Variants in SCYL1 observed in about 807,000 individuals in gnomAD.
The protein encoded by SCYL1 is N-terminal kinase-like protein.
A neutral mutation model predicts 94.8 loss-of-function variants in SCYL1; 85 were observed. The ratio of observed to expected loss-of-function variants is 0.90; its 90% CI spans 0.75 to 1.07. The LOEUF is 1.07. SCYL1 is among the 50% of genes least tolerant of loss of function. The pLI is 0.00. For synonymous variants in SCYL1, 459 were observed against 435.5 expected (o/e 1.05, Z -0.67); for missense variants, 968 against 1,083.3 (o/e 0.89, Z 1.49).
At chr11:65,529,945 G>T (rs1855284534) in intron 6 of SCYL1, among the ~76,000 whole-genome samples, 1 of 152,176 alleles carries the variant, frequency 6.6e-6, no homozygotes. Context: ...AAGTTGTGAA[G>T]AGGACTGAGA....
At position 65,538,695 on chromosome 11, in the gene SCYL1, C is replaced by CTATT; in HGVS notation, c.*131_*134dup. The CTATT allele has an allele frequency of 8.3e-7, 1 of 1,208,862 alleles. No individual in the cohort carries two copies. Among genetic ancestry groups the CTATT allele is most frequent in the Non-Finnish European group, 1.1e-6 (1 of 887,100 alleles). 74.9% of individuals were successfully genotyped at this position (1,208,862 alleles called of 1,614,324 possible). ...TACATAATCAGAGCCACAATAAATT[C>CTATT]TATTTCACACCCCTTGTGCCGGGCT... On this transcript the variant is annotated 3_prime_UTR_variant, in exon 18 of 18. Coordinates refer to ENST00000270176, the MANE Select transcript of SCYL1 (RefSeq NM_020680.4).
chr11:65,535,147 G>A (rs1590738566), intron 9 of SCYL1, 80 bp from the exon 10 acceptor site: 1 of 1,561,380 alleles, frequency 6.4e-7, no homozygotes, highest in South Asian at 1.2e-5. Context: ...GCTCTGGGAT[G>A]AGGGCTGCCA....
At position 65,538,469 on chromosome 11, in the gene SCYL1, A is replaced by G. The variant is rs556081911; in HGVS notation, c.2330A>G (p.Lys777Arg). ...CAGGTCAAGGCTGAGCTGGCCCGGA[A>G]GAAGCGCGAGGAGCGGCGGCGGGAG... Reference protein sequence around the residue: ...SRQVKAELARKKREERRREME... With the variant: ...SRQVKAELARRKREERRREME... Residue 777 changes from lysine (K) to arginine (R), a missense_variant, in exon 18 of 18, where the codon AAG (lysine) becomes AGG (arginine). Lys to Arg is a conservative substitution (Grantham distance 26, BLOSUM62 2). Coordinates refer to ENST00000270176, the MANE Select transcript of SCYL1 (RefSeq NM_020680.4). 1 of 1,578,818 alleles carries G rather than the reference A, an allele frequency of 6.3e-7. No individual in the cohort carries two copies. The highest frequency in any genetic ancestry group is 1.3e-5 in the African/African-American group (1 of 74,154).
In SCYL1 at chr11:65,536,710, C is replaced by T. The variant is rs1346419166; in HGVS notation, c.1776C>T (p.Ala592=). 1.2e-6 allele frequency: 2 copies of T among 1,610,064 alleles called. No individual in the cohort carries two copies. The highest frequency in any genetic ancestry group is 1.1e-5 in the South Asian group (1 of 90,998). Reference sequence around the variant, plus strand: ...TGATCCGTTCGCACCCAACCACTGCCCCAACAGAAACCAACATTCCCCAAA... The same window carrying T: ...TGATCCGTTCGCACCCAACCACTGCTCCAACAGAAACCAACATTCCCCAAA... The part of the protein sequence containing the change: ...SKLIRSHPTT[A]PTETNIPQRP... The change falls in exon 13 of 18, where the codon GCC becomes GCT. Residue 592 remains alanine, a synonymous_variant. Transcript: ENST00000270176.
chr11:65,531,632 C>G lies in SCYL1; in HGVS notation c.1065C>G (p.Val355=). The change falls in exon 8 of 18, where the codon GTC becomes GTG. Residue 355 remains valine (V), a synonymous_variant. Coordinates refer to ENST00000270176, the MANE Select transcript of SCYL1 (RefSeq NM_020680.4). ...AGCAGAAGATCATCCCTGTGGTGGTCAAGATGTTCTCATCCACTGACCGGG... is the reference window on the plus strand; with the variant it reads ...AGCAGAAGATCATCCCTGTGGTGGTGAAGATGTTCTCATCCACTGACCGGG... ...EYQQKIIPVV[V]KMFSSTDRAM... 1.9e-6 allele frequency: 3 copies of G among 1,614,106 alleles called. No homozygotes were observed. The highest frequency in any genetic ancestry group is 2.5e-6 in the Non-Finnish European group (3 of 1,180,000).
chr11:65,530,623 C>T lies in SCYL1; in HGVS notation c.850-6C>T, dbSNP rs757858604. 8 of 1,611,612 alleles carry T rather than the reference C, an allele frequency of 5.0e-6. No homozygotes were observed. The highest frequency in any genetic ancestry group is 1.3e-5 in the African/African-American group (1 of 74,866). On this transcript the variant is annotated splice_polypyrimidine_tract_variant and splice_region_variant and intron_variant, in intron 6 of 17. Coordinates refer to ENST00000270176, the MANE Select transcript of SCYL1 (RefSeq NM_020680.4). Reference sequence around the variant, plus strand: ...TCTTCCCCGGGTCCCGTCCTCACTCCCCCAGATCAAAGAGCCAGCCGAGAA... The same window carrying T: ...TCTTCCCCGGGTCCCGTCCTCACTCTCCCAGATCAAAGAGCCAGCCGAGAA...
chr11:65,526,681 T>G lies in SCYL1; in HGVS notation c.603-102T>G. 8.8e-7 allele frequency: 1 copy of G among 1,131,848 alleles called. No homozygotes were observed. The highest frequency in any genetic ancestry group is 1.3e-6 in the Non-Finnish European group (1 of 783,560). The allele number at this position is 1,131,848 out of a possible 1,614,324, so 70.1% of individuals were successfully genotyped here. A position where few individuals can be genotyped will look rare whatever the true frequency, so the allele number is the denominator to read the frequency against. ...GGACTGATGGCTCAGCTGAGGGACA[T>G]AGCCAGGCCCTGGCATGCAGTGGGT... On this transcript the variant is annotated intron_variant, in intron 4 of 17. Transcript: ENST00000270176. The surrounding 1 kb of genome is among the most constrained non-coding windows in gnomAD (Gnocchi z 4.1).
chr11:65,531,663 C>T lies in SCYL1; in HGVS notation c.1096C>T (p.Arg366Cys), dbSNP rs766077898. The change falls in exon 8 of 18, where the codon CGC (arginine) becomes TGC (cysteine). Residue 366 changes from arginine (R) to cysteine (C), a missense_variant. By Grantham distance (180) the Arg-to-Cys change is radical (BLOSUM62 -3). Transcript: ENST00000270176. ...GTTCTCATCCACTGACCGGGCCATG[C>T]GCATCCGCCTCCTGCAGCAGGTGAG... ...KMFSSTDRAMRIRLLQQMEQF... is the reference protein window; with the variant it reads ...KMFSSTDRAMCIRLLQQMEQF... 6 of 1,613,140 alleles carry T rather than the reference C, an allele frequency of 3.7e-6. No homozygotes were observed. The highest frequency in any genetic ancestry group is 3.3e-5 in the South Asian group (3 of 91,070).
At chr11:65,532,600 G>A (rs769059450) in intron 8 of SCYL1, 92 bp from the exon 9 acceptor site, 32 of 1,035,754 alleles carry the variant, frequency 3.1e-5, no homozygotes, top group Non-Finnish European at 4.4e-5. Flanking sequence ...AGTGCCTGCT[G>A]GGTGGAAAAG....
In SCYL1 at chr11:65,538,135, G is replaced by T; in HGVS notation, c.2200G>T (p.Asp734Tyr). The T allele has an allele frequency of 1.2e-6, 2 of 1,600,990 alleles. No individual in the cohort carries two copies. Among genetic ancestry groups the T allele is most frequent in the Non-Finnish European group, 1.7e-6 (2 of 1,174,256 alleles). Residue 734 changes from aspartate to tyrosine, a missense_variant, in exon 16 of 18, where the codon GAC becomes TAC. Physicochemically the swap from Asp to Tyr is radical, Grantham distance 160. Coordinates refer to ENST00000270176, the MANE Select transcript of SCYL1 (RefSeq NM_020680.4). Reference sequence around the variant, plus strand: ...TAACTGGGGTGGCCCAGAGTCCAGCGACAAGGGCGACCCCTTCGCTACCCT... The same window carrying T: ...TAACTGGGGTGGCCCAGAGTCCAGCTACAAGGGCGACCCCTTCGCTACCCT... ...EYNWGGPESS[D>Y]KGDPFATLSA... is the part of the protein sequence containing the mutation.
rs371540545 is a variant in SCYL1 at position 65,525,643 on chromosome 11, G to A, written c.181G>A (p.Ala61Thr). ...TGGCGCGGAAGAGCAGACCCAGGTGGCCAAAGCTGCCTTCAAGCGCTTCAA... is the reference window on the plus strand; with the variant it reads ...TGGCGCGGAAGAGCAGACCCAGGTGACCAAAGCTGCCTTCAAGCGCTTCAA... ...KPGAEEQTQVAKAAFKRFKTL... is the reference protein window; with the variant it reads ...KPGAEEQTQVTKAAFKRFKTL... The change falls in exon 2 of 18, where the codon GCC (alanine) becomes ACC (threonine). Residue 61 changes from alanine (A) to threonine (T), a missense_variant. Physicochemically the swap from Ala to Thr is moderately conservative, Grantham distance 58 (BLOSUM62 0). Coordinates refer to ENST00000270176, the MANE Select transcript of SCYL1 (RefSeq NM_020680.4). 1.9e-6 allele frequency: 3 copies of A among 1,612,636 alleles called. No individual in the cohort carries two copies. The highest frequency in any genetic ancestry group is 2.5e-6 in the Non-Finnish European group (3 of 1,179,962).
chr11:65,525,889 C>T (rs369780512), intron 2 of SCYL1, 32 bp from the exon 3 acceptor site: 40 of 1,605,680 alleles, frequency 2.5e-5, no homozygotes, highest in Middle Eastern at 1.7e-4. Flanking sequence ...TCTGCCCCTC[C>T]GCCCTTGATA....
chr11:65,525,242 C>G lies in SCYL1; in HGVS notation c.89C>G (p.Ala30Gly), dbSNP rs916631483. 6.9e-7 allele frequency: 1 copy of G among 1,458,442 alleles called. No homozygotes were observed. Among genetic ancestry groups the G allele is most frequent in the Admixed American group, 2.7e-5 (1 of 36,602 alleles). 90.3% of individuals were successfully genotyped at this position (1,458,442 alleles called of 1,614,324 possible). Residue 30 changes from alanine (A) to glycine (G), a missense_variant, in exon 1 of 18, where the codon GCC (alanine) becomes GGC (glycine). Ala to Gly is a moderately conservative substitution (Grantham distance 60, BLOSUM62 0). Coordinates refer to ENST00000270176, the MANE Select transcript of SCYL1 (RefSeq NM_020680.4). ...GAGGGCGGCCTGCCCGGGCCCTGGGCCCTGCACCGCGGCCGCAAGAAGGTG... is the reference window on the plus strand; with the variant it reads ...GAGGGCGGCCTGCCCGGGCCCTGGGGCCTGCACCGCGGCCGCAAGAAGGTG... Reference protein sequence around the residue: ...PPEGGLPGPWALHRGRKKATG... With the variant: ...PPEGGLPGPWGLHRGRKKATG...
chr11:65,535,088 CAGG>C, intron 9 of SCYL1, 136 bp from the exon 10 acceptor site: 1 of 1,057,828 alleles, frequency 9.5e-7, no homozygotes, highest in Non-Finnish European at 1.4e-6. Context: ...ACATGCTGGA[CAGG>C]GCCAGGCCCA....
At chr11:65,529,470 A>G (rs1186575728) in intron 6 of SCYL1, among the ~76,000 whole-genome samples, 1 of 151,948 alleles carries the variant, frequency 6.6e-6, no homozygotes, top group Non-Finnish European at 1.5e-5. Flanking sequence ...CCCAGCTGCT[A>G]CTCTCTTGAT....
chr11:65,535,033 G>A, intron 9 of SCYL1, 194 bp from the exon 10 acceptor site: 1 of 637,820 alleles, frequency 1.6e-6, no homozygotes, highest in South Asian at 2.0e-5. Context: ...ACAGACTTTG[G>A]AGGTTTTGCT....
rs117962473 is a variant in SCYL1 at position 65,530,339 on chromosome 11, C to T, written c.850-290C>T. 8.1e-3 allele frequency among the ~76,000 whole-genome samples: 1,236 copies of T among 152,310 alleles called. 17 individuals are homozygous for T. Among genetic ancestry groups the T allele is most frequent in the South Asian group, 0.013 (62 of 4,822 alleles). On this transcript the variant is annotated intron_variant, in intron 6 of 17. Coordinates refer to ENST00000270176, the MANE Select transcript of SCYL1 (RefSeq NM_020680.4). ...CTCTCCCAGCAACAGGTCAGGTAGC[C>T]GCAATGGCAGCAACAGTCCCTAACC... is the stretch of plus-strand genomic sequence containing the variant.
chr11:65,534,087 C>T (rs757561879), intron 9 of SCYL1, among the ~76,000 whole-genome samples: 6 of 151,918 alleles, frequency 3.9e-5, no homozygotes, highest in Admixed American at 1.3e-4. Flanking sequence ...ACAATCTAGC[C>T]GGGCATGGTG....
Position 65,532,772 on chromosome 11 carries a change from C to A in SCYL1, c.1197C>A (p.Asp399Glu). The A allele has an allele frequency of 6.2e-7, 1 of 1,614,124 alleles. No individual in the cohort carries two copies. The highest frequency in any genetic ancestry group is 8.5e-7 in the Non-Finnish European group (1 of 1,179,960). Residue 399 changes from aspartate (D) to glutamate (E), a missense_variant, in exon 9 of 18, where the codon GAC (aspartate) becomes GAA (glutamate). Asp to Glu is a conservative substitution (Grantham distance 45). Transcript: ENST00000270176. ...CCCACGTCGTACATGGCTTCCTGGA[C>A]ACCAACCCTGCCATCCGGGAGCAGA... ...IFPHVVHGFL[D>E]TNPAIREQTV...
Sources: allele counts gnomAD v4.1 joint callset (sites outside exome capture counted in the v4.1 genomes callset), GRCh38; gene constraint gnomAD v4.1.1; non-coding constraint Gnocchi (gnomAD v3.1); transcripts MANE v1.5; gene names NCBI Gene and HGNC (gene_info 2026-07-23, HGNC 2026-07-21).